The following HNRNPM variants were observed in gnomAD, a reference collection of about 807,000 sequenced individuals.
HNRNPM encodes the protein heterogeneous nuclear ribonucleoprotein M.
In HNRNPM, 11 loss-of-function variants were observed where a neutral mutation model predicts 73.1. The ratio of observed to expected loss-of-function variants is 0.15; its 90% CI spans 0.09 to 0.25. The LOEUF is 0.25. Among genes scored for constraint, HNRNPM ranks in the 10% least tolerant of loss-of-function variants. The pLI is 1.00. For synonymous variants in HNRNPM, 407 were observed against 355.2 expected, an observed-to-expected ratio of 1.15 and a Z score of -1.64; for missense variants, 789 against 1,067.9, an observed-to-expected ratio of 0.74 and a Z score of 3.64.
At chr19:8,467,091 C>T (rs1469423157) in intron 7 of HNRNPM, among the ~76,000 whole-genome samples, 1 of 150,736 alleles carries the variant, frequency 6.6e-6, no homozygotes, top group Non-Finnish European at 1.5e-5. Context: ...GGCCACTTCT[C>T]CTTGACCCTA....
chr19:8,445,129 C>A lies in HNRNPM; in HGVS notation c.113+18C>A, dbSNP rs1312663938. On this transcript the variant is annotated intron_variant, in intron 1 of 15. Transcript: ENST00000325495. ...CCTAAGGGGTGAGTATCCCACGGTC[C>A]TTTGCCACGGGTAAGGGTTCCTCTC... The A allele has an allele frequency of 7.2e-7, 1 of 1,386,218 alleles. No homozygotes were observed. The highest frequency in any genetic ancestry group is 1.5e-5 in the African/African-American group (1 of 65,576). The allele number at this position is 1,386,218 out of a possible 1,614,324, so 85.9% of individuals were successfully genotyped here. A position where few individuals can be genotyped will look rare whatever the true frequency, so the allele number is the denominator to read the frequency against.
chr19:8,472,936 G>T (rs1487116299), intron 10 of HNRNPM, among the ~76,000 whole-genome samples: 2 of 152,182 alleles, frequency 1.3e-5, no homozygotes, highest in African/African-American at 4.8e-5. Context: ...TTTCTAAAAA[G>T]TTTATGTTCC....
chr19:8,475,018 G>GCC (rs1970407517), intron 12 of HNRNPM, among the ~76,000 whole-genome samples: 1 of 152,160 alleles, frequency 6.6e-6, no homozygotes, highest in African/African-American at 2.4e-5. Flanking sequence ...CTCGGCACCT[G>GCC]CCCCCAACTT....
intron 15 of HNRNPM, chr19:8,487,834 A>T (rs1347100400): frequency 1.3e-5 from 2 of 149,984 alleles, no homozygotes; most frequent in African/African-American, 4.9e-5. Flanking sequence ...CTCTTTCCCC[A>T]CTCCTGAGTT....
At chr19:8,482,245 C>T (rs1970971331) in intron 12 of HNRNPM, among the ~76,000 whole-genome samples, 1 of 152,232 alleles carries the variant, frequency 6.6e-6, no homozygotes, top group Non-Finnish European at 1.5e-5. Flanking sequence ...GCATGAGCTA[C>T]TGCGCGGCCG....
intron 12 of HNRNPM, among the ~76,000 whole-genome samples, chr19:8,476,853 G>C (rs1381633337): frequency 1.3e-5 from 2 of 152,236 alleles, no homozygotes; most frequent in East Asian, 3.9e-4. Flanking sequence ...GGGGCTGCAG[G>C]GTTCTGTCCC....
intron 6 of HNRNPM, 137 bp from the exon 7 acceptor site, chr19:8,466,098 A>T (rs1402889239): frequency 1.4e-5 from 11 of 781,180 alleles, no homozygotes; most frequent in Middle Eastern, 7.2e-4. Context: ...TAAAATTTCC[A>T]TTGCAGTTGA....
chr19:8,445,874 G>T (rs896279413), intron 1 of HNRNPM, among the ~76,000 whole-genome samples: 1 of 152,226 alleles, frequency 6.6e-6, no homozygotes, highest in African/African-American at 2.4e-5. Flanking sequence ...CCTTTTTCCC[G>T]TGTTTCGGGG....
chr19:8,445,022 G>A lies in HNRNPM; in HGVS notation c.24G>A (p.Ala8=), dbSNP rs752121983. The change falls in exon 1 of 16, where the codon GCG becomes GCA. Residue 8 remains alanine (A), a synonymous_variant. Transcript: ENST00000325495. ...AAATGGCGGCAGGGGTCGAAGCGGCGGCGGAGGTGGCGGCGACGGAGATCA... is the reference window on the plus strand; with the variant it reads ...AAATGGCGGCAGGGGTCGAAGCGGCAGCGGAGGTGGCGGCGACGGAGATCA... MAAGVEA[A]AEVAATEIKM... The A allele has an allele frequency of 3.9e-5, 55 of 1,422,442 alleles. No homozygotes were observed. Among genetic ancestry groups the A allele is most frequent in the Non-Finnish European group, 4.9e-5 (53 of 1,090,848 alleles). The allele number at this position is 1,422,442 out of a possible 1,614,324, so 88.1% of individuals were successfully genotyped here.
At chr19:8,472,066 GA>G (rs1568284450) in intron 10 of HNRNPM, among the ~76,000 whole-genome samples, 3 of 151,602 alleles carry the variant, frequency 2.0e-5, no homozygotes, top group Non-Finnish European at 4.4e-5. Flanking sequence ...AGTTACTCAA[GA>G]GGCTGAGGCA....
intron 1 of HNRNPM, among the ~76,000 whole-genome samples, chr19:8,454,509 G>C (rs1038682958): frequency 2.0e-5 from 3 of 152,062 alleles, no homozygotes; most frequent in African/African-American, 7.2e-5. Context: ...TCTACCTTTT[G>C]GCTTGTGTGA....
chr19:8,483,384 C>G (rs909873444), intron 13 of HNRNPM, among the ~76,000 whole-genome samples, 173 bp downstream of exon 13: 1 of 152,174 alleles, frequency 6.6e-6, no homozygotes, highest in African/African-American at 2.4e-5. Context: ...CTCTCTGTTT[C>G]TCATAGCACT....
At chr19:8,452,825 T>A (rs1476793443) in intron 1 of HNRNPM, among the ~76,000 whole-genome samples, 1 of 152,154 alleles carries the variant, frequency 6.6e-6, no homozygotes, top group Admixed American at 6.5e-5. Flanking sequence ...TTGCTGACTT[T>A]AAAATTTTTC....
chr19:8,472,731 TGCC>T (rs1175877336), intron 10 of HNRNPM, among the ~76,000 whole-genome samples: 1 of 152,104 alleles, frequency 6.6e-6, no homozygotes, highest in East Asian at 1.9e-4. Flanking sequence ...TACAGGCATG[TGCC>T]ACCACACCCA....
intron 12 of HNRNPM, chr19:8,482,621 G>GCTCATTTGTT (rs1970999562): frequency 6.5e-6 from 1 of 152,796 alleles, no homozygotes; most frequent in Admixed American, 6.6e-5. Context: ...TGTTAGCGTT[G>GCTCATTTGTT]AGGTTGTCCG....
At chr19:8,476,340 GA>G (rs1042304540) in intron 12 of HNRNPM, among the ~76,000 whole-genome samples, 6 of 152,148 alleles carry the variant, frequency 3.9e-5, no homozygotes, top group Non-Finnish European at 8.8e-5. Flanking sequence ...AGGAAGAATT[GA>G]AGCAGACGTT....
intron 2 of HNRNPM, among the ~76,000 whole-genome samples, chr19:8,456,106 C>CAAA (rs1300905450): frequency 6.6e-6 from 1 of 151,992 alleles, no homozygotes; most frequent in Non-Finnish European, 1.5e-5. Context: ...GGCTTTTTCC[C>CAAA]CTCTGGGAAA....
chr19:8,457,571 T>G (rs2145637751), intron 2 of HNRNPM, among the ~76,000 whole-genome samples: 1 of 152,170 alleles, frequency 6.6e-6, no homozygotes, highest in African/African-American at 2.4e-5. Context: ...ACTTTGCTGT[T>G]TAATTAAATT....
At chr19:8,456,086 T>G (rs1200173123) in intron 2 of HNRNPM, among the ~76,000 whole-genome samples, 1 of 152,160 alleles carries the variant, frequency 6.6e-6, no homozygotes, top group Non-Finnish European at 1.5e-5. Context: ...AGCTTGTATT[T>G]TAACTTTTAG....
Sources: allele counts gnomAD v4.1 joint callset (sites outside exome capture counted in the v4.1 genomes callset), GRCh38; gene constraint gnomAD v4.1.1; transcripts MANE v1.5; gene names NCBI Gene and HGNC (gene_info 2026-07-23, HGNC 2026-07-21).